Variants in SYNE1 observed in about 807,000 individuals in gnomAD.
SYNE1 encodes the protein spectrin repeat containing nuclear envelope protein 1.
A neutral mutation model predicts 1,111.0 loss-of-function variants in SYNE1; 616 were observed. That is an observed-to-expected ratio of 0.55 (90% CI 0.52 to 0.59). The LOEUF is 0.59. Among genes scored for constraint, SYNE1 ranks in the 20% least tolerant of loss-of-function variants. The pLI is 0.00. For missense variants in SYNE1, 10,006 were observed against 10,417.0 expected (o/e 0.96, Z 1.72); for synonymous variants, 3,855 against 3,825.8 (o/e 1.01, Z -0.28).
intron 41 of SYNE1, among the ~76,000 whole-genome samples, chr6:152,414,689 C>T (rs1006410669): frequency 6.6e-6 from 1 of 152,078 alleles, no homozygotes; most frequent in Non-Finnish European, 1.5e-5. Flanking sequence ...TTGGTGAGTG[C>T]AGTGTTGTGG....
In SYNE1 at chr6:152,425,486, T is replaced by A. The variant is rs1456845641; in HGVS notation, c.5162A>T (p.Glu1721Val). ...SFYSKLLQLK[E>V]SLFSVASKDD... ...TTTGGAGGCTACTGAGAACAATGAT[T>A]CCTTCAATTGCAAAAGTTTGCTATA... The change falls in exon 39 of 146, where the codon GAA becomes GTA. Residue 1721 changes from glutamate (E) to valine (V), a missense_variant. By Grantham distance (121) the Glu-to-Val change is moderately radical (BLOSUM62 -2). Transcript: ENST00000367255. The A allele has an allele frequency of 6.2e-7, 1 of 1,614,196 alleles. No homozygotes were observed. Among genetic ancestry groups the A allele is most frequent in the South Asian group, 1.1e-5 (1 of 91,086 alleles).
intron 86 of SYNE1, among the ~76,000 whole-genome samples, chr6:152,317,234 CTTTTTT>C (rs61399339): frequency 3.2e-4 from 44 of 135,908 alleles, no homozygotes; most frequent in African/African-American, 1.1e-3. Flanking sequence ...TTTCTTTTTT[CTTTTTT>C]TTTTTTTTCC....
Position 152,148,189 on chromosome 6 carries a change from C to A in SYNE1, c.24832G>T (p.Val8278Leu), listed in dbSNP as rs200663180. 6.2e-7 allele frequency: 1 copy of A among 1,614,078 alleles called. No individual in the cohort carries two copies. Among genetic ancestry groups the A allele is most frequent in the African/African-American group, 1.3e-5 (1 of 74,922 alleles). Residue 8278 changes from valine (V) to leucine (L), a missense_variant, in exon 137 of 146, where the codon GTG (valine) becomes TTG (leucine). Physicochemically the swap from Val to Leu is conservative, Grantham distance 32 (BLOSUM62 1). Transcript: ENST00000367255. This position sits in a 1 kb window ranked among gnomAD's most constrained non-coding sequence, Gnocchi z 4.1. ...TCCCACTCCAGGGGGATGGAGTCCA[C>A]ACTAGCCGGGGTGTCTCGTCCTGAC... Reference protein sequence around the residue: ...ERSGRDTPASVDSIPLEWDHD... With the variant: ...ERSGRDTPASLDSIPLEWDHD...
chr6:152,187,039 G>A (rs1039271948), intron 128 of SYNE1, among the ~76,000 whole-genome samples: 1 of 152,152 alleles, frequency 6.6e-6, no homozygotes, highest in African/African-American at 2.4e-5. Context: ...GTTGTGATTA[G>A]CATTACTACC....
Position 152,309,868 on chromosome 6 carries a change from C to T in SYNE1, c.17169G>A (p.Gln5723=), listed in dbSNP as rs2095496014. 2.5e-6 allele frequency: 4 copies of T among 1,613,976 alleles called. No individual in the cohort carries two copies. Among genetic ancestry groups the T allele is most frequent in the South Asian group, 1.1e-5 (1 of 91,082 alleles). ...LRLQEEASRL[Q]HTAIQQCNIM... ...TGTTACACTGCTGGATGGCGGTGTG[C>T]TGCAGCCGGCTGGCCTCTTCCTGCA... Residue 5723 remains glutamine, a synonymous_variant, in exon 90 of 146, where the codon CAG becomes CAA. Coordinates refer to ENST00000367255, the MANE Select transcript of SYNE1 (RefSeq NM_182961.4).
intron 3 of SYNE1, among the ~76,000 whole-genome samples, chr6:152,589,811 T>C (rs1336868307): frequency 1.3e-5 from 2 of 152,132 alleles, no homozygotes; most frequent in African/African-American, 4.8e-5. Flanking sequence ...GCTGGATCCA[T>C]TTTTTCAATA....
chr6:152,623,005 T>A (rs2099678899), intron 3 of SYNE1, among the ~76,000 whole-genome samples: 1 of 152,108 alleles, frequency 6.6e-6, no homozygotes, highest in Admixed American at 6.6e-5. Context: ...ATGTCTCTAA[T>A]CATCAGTGAT....
chr6:152,595,876 T>C (rs891299913), intron 3 of SYNE1, among the ~76,000 whole-genome samples: 1 of 152,052 alleles, frequency 6.6e-6, no homozygotes, highest in African/African-American at 2.4e-5. Context: ...TGAAATTCTA[T>C]GCTATTATGT....
In SYNE1 at chr6:152,330,213, A is replaced by C; in HGVS notation, c.14472T>G (p.Ser4824Arg). ...TCAGTACAATCCCTGAGTCCTGGAG[A>C]CTTCCTGCCAGGGAGTGATACATTT... ...KLKMYHSLAG[S>R]LQDSGIVLKR... The change falls in exon 78 of 146, where the codon AGT becomes AGG. Residue 4824 changes from serine to arginine, a missense_variant. Ser to Arg is a moderately radical substitution (Grantham distance 110). Around this residue, in one of 7 missense-constraint regions of SYNE1, gnomAD observed 4,955 missense variants for 5,017.2 expected, o/e 0.99. Coordinates refer to ENST00000367255, the MANE Select transcript of SYNE1 (RefSeq NM_182961.4). The C allele has an allele frequency of 6.2e-7, 1 of 1,614,068 alleles. No individual in the cohort carries two copies. Among genetic ancestry groups the C allele is most frequent in the Non-Finnish European group, 8.5e-7 (1 of 1,180,006 alleles).
Position 152,391,586 on chromosome 6 carries a change from AAAAAAAAAG to A in SYNE1, c.7713-27_7713-19del. The A allele has an allele frequency of 6.4e-7, 1 of 1,552,484 alleles. No individual in the cohort carries two copies. The highest frequency in any genetic ancestry group is 1.6e-5 in the African/African-American group (1 of 64,354). ...GAGACTCTCTGAAAAAAAGGAAAAAAAAAAAAAAGAAAAAAAATTAATTCTGACATCCTG... is the reference window on the plus strand; with the variant it reads ...GAGACTCTCTGAAAAAAAGGAAAAAAAAAAAAAATTAATTCTGACATCCTG... On this transcript the variant is annotated intron_variant, in intron 51 of 145. Transcript: ENST00000367255.
intron 63 of SYNE1, among the ~76,000 whole-genome samples, chr6:152,364,152 C>A (rs1485580814): frequency 6.6e-6 from 1 of 152,182 alleles, no homozygotes; most frequent in Non-Finnish European, 1.5e-5. Context: ...TTGCTCAGCA[C>A]TTGTCTCTCT....
Position 152,336,865 on chromosome 6 carries a change from T to A in SYNE1, c.12504A>T (p.Ala4168=). ...RRHSELELNI[A]QNMVSQVKDF... ...CCTTAACTTGTGAAACCATGTTCTG[T>A]GCAATGTTCAGCTCCAGCTCAGAGT... is the stretch of plus-strand genomic sequence containing the variant. Residue 4168 remains alanine (A), a synonymous_variant, in exon 76 of 146, where the codon GCA becomes GCT. Transcript: ENST00000367255. 6.2e-7 allele frequency: 1 copy of A among 1,613,958 alleles called. No homozygotes were observed. The highest frequency in any genetic ancestry group is 8.5e-7 in the Non-Finnish European group (1 of 1,180,026).
chr6:152,337,200 AT>A (rs67742986), intron 75 of SYNE1, among the ~76,000 whole-genome samples, 183 bp from the exon 76 acceptor site: 58 of 151,568 alleles, frequency 3.8e-4, no homozygotes, highest in Middle Eastern at 3.4e-3. Context: ...GGAAAAGCAG[AT>A]TTTTTTTAAA....
At chr6:152,276,947 C>T (rs956187015) in intron 98 of SYNE1, among the ~76,000 whole-genome samples, 6 of 137,940 alleles carry the variant, frequency 4.3e-5, no homozygotes, top group Admixed American at 2.4e-4. Flanking sequence ...TGCAGTGGTG[C>T]GATCTCAGCT....
chr6:152,401,250 C>G lies in SYNE1; in HGVS notation c.6917G>C (p.Ser2306Thr). 6.2e-7 allele frequency: 1 copy of G among 1,614,138 alleles called. No homozygotes were observed. Among genetic ancestry groups the G allele is most frequent in the Non-Finnish European group, 8.5e-7 (1 of 1,180,014 alleles). ...ATTAATAAACTTCTCCACTTGTGTA[C>G]TTTGAGCCGTGAAATCCTTCAGGGT... The part of the protein sequence containing the change: ...KGTLKDFTAQ[S>T]TQVEKFINDI... Residue 2306 changes from serine (S) to threonine (T), a missense_variant, in exon 47 of 146, where the codon AGT becomes ACT. By Grantham distance (58) the Ser-to-Thr change is moderately conservative (BLOSUM62 1). Coordinates refer to ENST00000367255, the MANE Select transcript of SYNE1 (RefSeq NM_182961.4).
rs1586383128 is a variant in SYNE1 at position 152,155,113 on chromosome 6, C to T, written c.23979-71G>A. 1.9e-6 allele frequency: 3 copies of T among 1,593,054 alleles called. No homozygotes were observed. In the East Asian group the frequency reaches 6.7e-5, roughly 36 times the overall value. On this transcript the variant is annotated intron_variant, in intron 132 of 145. Coordinates refer to ENST00000367255, the MANE Select transcript of SYNE1 (RefSeq NM_182961.4). ...TTTCGCTCCAGAACCCGGTCTGCTG[C>T]CTGCGACTGGATTAAGGGTGCCCAC...
chr6:152,387,468 A>T, intron 53 of SYNE1, 87 bp from the exon 54 acceptor site: 1 of 1,330,188 alleles, frequency 7.5e-7, no homozygotes, highest in Non-Finnish European at 1.1e-6. Flanking sequence ...ATCCATGCCA[A>T]TTGTTTTATT....
chr6:152,413,509 C>A lies in SYNE1; in HGVS notation c.6073G>T (p.Glu2025Ter). The A allele has an allele frequency of 1.2e-6, 2 of 1,614,108 alleles. No homozygotes were observed. Among genetic ancestry groups the A allele is most frequent in the Non-Finnish European group, 1.7e-6 (2 of 1,179,988 alleles). Residue 2025 changes from glutamate to a stop codon, truncating the protein, a stop_gained, in exon 42 of 146, where the codon GAA becomes TAA. Coordinates refer to ENST00000367255, the MANE Select transcript of SYNE1 (RefSeq NM_182961.4). LOFTEE classifies it high-confidence loss of function. ...TGCTCGTGAGAATTCAATTCATCTT[C>A]TAGCTGATTAAACACTCTTAACCTG... Reference protein sequence around the residue: ...QQRLRVFNQLEDELNSHEHEL... With the variant: ...QQRLRVFNQL
intron 81 of SYNE1, among the ~76,000 whole-genome samples, chr6:152,324,263 G>A (rs1200892845): frequency 1.3e-5 from 2 of 152,124 alleles, no homozygotes; most frequent in East Asian, 1.9e-4. Flanking sequence ...ACCAGGTGTG[G>A]TGGCGGGTGC....
Sources: allele counts gnomAD v4.1 joint callset (sites outside exome capture counted in the v4.1 genomes callset), GRCh38; gene constraint gnomAD v4.1.1; regional missense constraint gnomAD v4.1.1; non-coding constraint Gnocchi (gnomAD v3.1); transcripts MANE v1.5; gene names NCBI Gene and HGNC (gene_info 2026-07-23, HGNC 2026-07-21).